ARHGAP5: variants seen among roughly 807,000 people sequenced by gnomAD.
The protein encoded by ARHGAP5 is Rho GTPase activating protein 5.
ARHGAP5 carries 23 observed loss-of-function variants against 116.6 expected under a neutral mutation model. The ratio of observed to expected loss-of-function variants is 0.20; its 90% CI spans 0.14 to 0.28. The LOEUF is 0.28. ARHGAP5 is among the 10% of genes least tolerant of loss of function. The pLI is 1.00. For missense variants in ARHGAP5, 1,405 were observed against 1,774.8 expected, an observed-to-expected ratio of 0.79 and a Z score of 3.74; for synonymous variants, 574 against 602.0, an observed-to-expected ratio of 0.95 and a Z score of 0.68.
chr14:32,078,059 A>G (rs113692153), intron 1 of ARHGAP5, among the ~76,000 whole-genome samples: 9 of 146,768 alleles, frequency 6.1e-5, no homozygotes, highest in Admixed American at 3.5e-4. Context: ...CCAGAGTCCT[A>G]TGGGCTGACT....
At chr14:32,146,950 T>C (rs1881406498) in intron 4 of ARHGAP5, among the ~76,000 whole-genome samples, 1 of 152,214 alleles carries the variant, frequency 6.6e-6, no homozygotes, top group Admixed American at 6.5e-5. Flanking sequence ...ACTCCGAGTT[T>C]CTTCCCAAAT....
intron 1 of ARHGAP5, among the ~76,000 whole-genome samples, chr14:32,089,335 G>GATTT (rs1479831514): frequency 1.3e-5 from 2 of 151,536 alleles, no homozygotes; most frequent in African/African-American, 4.8e-5. Flanking sequence ...ACTTTTCTTA[G>GATTT]ATTTTTTTTG....
At chr14:32,140,097 CT>C (rs1182430088) in intron 3 of ARHGAP5, among the ~76,000 whole-genome samples, 639 of 25,388 alleles carry the variant, frequency 0.025, 17 homozygotes, top group African/African-American at 0.064. Flanking sequence ...GTTATTTGTT[CT>C]TTTTTTTTTT....
At position 32,111,061 on chromosome 14, in the gene ARHGAP5, T is replaced by G. The variant is rs1355445330; in HGVS notation, c.3718-6079T>G. The stretch of plus-strand genomic sequence containing the variant: ...GCGCTGGAAGTAATAATTTAGCTTA[T>G]CAGCATATAGATGATGTTACCAAGA... On this transcript the variant is annotated intron_variant, in intron 2 of 6. Transcript: ENST00000345122. 2.0e-5 allele frequency among the ~76,000 whole-genome samples: 3 copies of G among 152,178 alleles called. No homozygotes were observed. The South Asian group carries it at 6.2e-4, about 32-fold the overall frequency.
In ARHGAP5 at chr14:32,156,906, C is replaced by T. The variant is rs373353214; in HGVS notation, c.*1958C>T. 3 of 152,274 alleles carry T rather than the reference C, an allele frequency of 2.0e-5. No homozygotes were observed. The highest frequency in any genetic ancestry group is 6.6e-5 in the Admixed American group (1 of 15,254). 9.4% of individuals were successfully genotyped at this position (152,274 alleles called of 1,614,324 possible). On this transcript the variant is annotated 3_prime_UTR_variant, in exon 7 of 7. Coordinates refer to ENST00000345122, the MANE Select transcript of ARHGAP5 (RefSeq NM_001030055.2). ...TGAAAAGAGAATTTTCAAAACTGTTCGTGTCTTCAGTTCATTCTGTCATAA... is the reference window on the plus strand; with the variant it reads ...TGAAAAGAGAATTTTCAAAACTGTTTGTGTCTTCAGTTCATTCTGTCATAA...
In ARHGAP5 at chr14:32,093,404, C is replaced by G; in HGVS notation, c.2735C>G (p.Thr912Ser). ...GGAGAACACATTGCAACTGAGATCACTGCTAAATTTACAGCACTGTATTCT... is the reference window on the plus strand; with the variant it reads ...GGAGAACACATTGCAACTGAGATCAGTGCTAAATTTACAGCACTGTATTCT... ...TEGEHIATEI[T>S]AKFTALYSLS... The change falls in exon 2 of 7, where the codon ACT (threonine) becomes AGT (serine). Residue 912 changes from threonine to serine, a missense_variant. By Grantham distance (58) the Thr-to-Ser change is moderately conservative. Around this residue, in one of 6 missense-constraint regions of ARHGAP5, gnomAD observed 944 missense variants for 1,095.3 expected, o/e 0.86. Transcript: ENST00000345122. The G allele has an allele frequency of 6.2e-7, 1 of 1,613,964 alleles. No homozygotes were observed. The highest frequency in any genetic ancestry group is 1.1e-5 in the South Asian group (1 of 91,064).
At chr14:32,105,968 T>C (rs1260908293) in intron 2 of ARHGAP5, among the ~76,000 whole-genome samples, 1 of 152,224 alleles carries the variant, frequency 6.6e-6, no homozygotes, top group African/African-American at 2.4e-5. Flanking sequence ...TTTTTATTGC[T>C]GAATAATATT....
At chr14:32,105,827 C>G (rs1878991426) in intron 2 of ARHGAP5, among the ~76,000 whole-genome samples, 1 of 152,116 alleles carries the variant, frequency 6.6e-6, no homozygotes, top group African/African-American at 2.4e-5. Context: ...TTTTTCATTT[C>G]TATAATTTTG....
rs1344363242 is a variant in ARHGAP5 at position 32,156,959 on chromosome 14, GTTTA to G, written c.*2016_*2019del. The G allele has an allele frequency of 1.3e-5, 2 of 152,338 alleles. No individual in the cohort carries two copies. Among genetic ancestry groups the G allele is most frequent in the Non-Finnish European group, 3.0e-5 (2 of 67,790 alleles). 9.4% of individuals were successfully genotyped at this position (152,338 alleles called of 1,614,324 possible). A position where few individuals can be genotyped will look rare whatever the true frequency, so the allele number is the denominator to read the frequency against. ...TTGCTATTGTAATATGTGAATACCAGTTTATTTAAGCTGTTCTCTTTTATACTGT... is the reference window on the plus strand; with the variant it reads ...TTGCTATTGTAATATGTGAATACCAGTTTAAGCTGTTCTCTTTTATACTGT... On this transcript the variant is annotated 3_prime_UTR_variant, in exon 7 of 7. Transcript: ENST00000345122.
chr14:32,081,656 A>T (rs2041775904), intron 1 of ARHGAP5, among the ~76,000 whole-genome samples: 1 of 150,442 alleles, frequency 6.6e-6, no homozygotes, highest in Non-Finnish European at 1.5e-5. Context: ...AGAAGGGGTG[A>T]TGTAGAAATA....
At chr14:32,111,382 G>A (rs1000986171) in intron 2 of ARHGAP5, among the ~76,000 whole-genome samples, 1 of 152,146 alleles carries the variant, frequency 6.6e-6, no homozygotes, top group Admixed American at 6.5e-5. Flanking sequence ...TAACAGGGGT[G>A]GTCTCTTTAG....
At position 32,156,258 on chromosome 14, in the gene ARHGAP5, G is replaced by T. The variant is rs564376771; in HGVS notation, c.*1310G>T. The stretch of plus-strand genomic sequence containing the variant: ...TAGGTGGCACAGGTAAATTTCACTA[G>T]GTTATATTTTGTGTAGTAAAGAAAA... On this transcript the variant is annotated 3_prime_UTR_variant, in exon 7 of 7. Coordinates refer to ENST00000345122, the MANE Select transcript of ARHGAP5 (RefSeq NM_001030055.2). 2.6e-5 allele frequency: 4 copies of T among 152,404 alleles called. No individual in the cohort carries two copies. The South Asian group carries it at 8.3e-4, about 32-fold the overall frequency. The allele number at this position is 152,404 out of a possible 1,614,324, so 9.4% of individuals were successfully genotyped here.
chr14:32,097,054 AGAGT>A (rs762941199), intron 2 of ARHGAP5, among the ~76,000 whole-genome samples: 1 of 152,196 alleles, frequency 6.6e-6, no homozygotes, highest in African/African-American at 2.4e-5. Context: ...ATCATTGTTT[AGAGT>A]GAGTATCTGT....
At chr14:32,078,446 A>G (rs2041736486) in intron 1 of ARHGAP5, 1 of 152,258 alleles carries the variant, frequency 6.6e-6, no homozygotes, top group Admixed American at 6.5e-5. Flanking sequence ...CAAGATAGGC[A>G]TATAGATGGG....
intron 3 of ARHGAP5, among the ~76,000 whole-genome samples, chr14:32,123,188 A>G (rs1219820406): frequency 6.6e-6 from 1 of 152,014 alleles, no homozygotes; most frequent in Non-Finnish European, 1.5e-5. Flanking sequence ...TAATCTTAGT[A>G]TGTGTGTTTT....
intron 3 of ARHGAP5, among the ~76,000 whole-genome samples, chr14:32,133,199 T>C (rs2139109322): frequency 6.6e-6 from 1 of 152,336 alleles, no homozygotes; most frequent in South Asian, 2.1e-4. Context: ...TTCACGATAT[T>C]GATTCTTCCT....
chr14:32,115,174 G>C (rs1018360642), intron 2 of ARHGAP5, among the ~76,000 whole-genome samples: 10 of 152,296 alleles, frequency 6.6e-5, no homozygotes, highest in African/African-American at 2.4e-4. Context: ...GCTCTAGAGA[G>C]TGAATCAGAA....
chr14:32,154,884 C>T lies in ARHGAP5; in HGVS notation c.4445C>T (p.Pro1482Leu), dbSNP rs563403954. Residue 1482 changes from proline (P) to leucine (L), a missense_variant, in exon 7 of 7, where the codon CCG (proline) becomes CTG (leucine). This residue lies in a region of ARHGAP5 where 85 missense variants were observed against 96.6 expected (regional missense o/e 0.88). Coordinates refer to ENST00000345122, the MANE Select transcript of ARHGAP5 (RefSeq NM_001030055.2). ...GAACCAATGGTGCCACTTCAGTTGC[C>T]GCCACCATTGCAACCTCAGCTGATA... ...LVEPMVPLQL[P>L]PPLQPQLIQP... is the part of the protein sequence containing the mutation. 22 of 1,613,978 alleles carry T rather than the reference C, an allele frequency of 1.4e-5. No individual in the cohort carries two copies. In the East Asian group the frequency reaches 2.7e-4, roughly 20 times the overall value.
chr14:32,120,865 TTTTCTTG>T (rs965352286), intron 3 of ARHGAP5, among the ~76,000 whole-genome samples: 55 of 152,066 alleles, frequency 3.6e-4, no homozygotes, highest in African/African-American at 1.3e-3. Context: ...TATATCCTAT[TTTTCTTG>T]TTTAACTTTT....
Sources: gnomAD v4.1 joint callset for allele counts (sites outside exome capture counted in the v4.1 genomes callset) on GRCh38, gnomAD v4.1.1 for gene constraint, gnomAD v4.1.1 regional missense constraint, MANE v1.5 for transcripts, NCBI Gene and HGNC (gene_info 2026-07-23, HGNC 2026-07-21) for gene names.